LRP6: variants seen among roughly 807,000 people sequenced by gnomAD.
The protein encoded by LRP6 is low-density lipoprotein receptor-related protein 6.
LRP6 carries 43 observed loss-of-function variants against 184.1 expected under a neutral mutation model. That is an observed-to-expected ratio of 0.23 (90% confidence interval 0.18 to 0.30). The LOEUF (loss-of-function observed/expected upper bound fraction) is 0.30, where lower values mean the gene tolerates loss of function less well. Among genes scored for constraint, LRP6 ranks in the 10% least tolerant of loss-of-function variants. The pLI is 1.00. For synonymous variants in LRP6, 719 were observed against 684.9 expected, an observed-to-expected ratio of 1.05 and a Z score of -0.78; for missense variants, 1,571 against 2,005.3, an observed-to-expected ratio of 0.78 and a Z score of 4.14.
intron 2 of LRP6, among the ~76,000 whole-genome samples, chr12:12,242,619 C>T (rs1046820413): frequency 1.3e-5 from 2 of 152,178 alleles, no homozygotes; most frequent in Non-Finnish European, 2.9e-5. Context: ...TCTCAACAAC[C>T]AAATTCTTTG....
intron 15 of LRP6, among the ~76,000 whole-genome samples, chr12:12,146,374 C>T (rs887814505): frequency 6.6e-6 from 1 of 152,138 alleles, no homozygotes; most frequent in East Asian, 1.9e-4. Context: ...CAATAATCAA[C>T]GTTAACATAT....
At chr12:12,155,671 C>T (rs1053346362) in intron 12 of LRP6, 2 of 981,700 alleles carry the variant, frequency 2.0e-6, no homozygotes, top group Admixed American at 1.7e-5. Flanking sequence ...CTGGGTTCAA[C>T]TGAAGCGCCA....
At chr12:12,149,708 A>C (rs1036788641) in intron 13 of LRP6, among the ~76,000 whole-genome samples, 1 of 152,210 alleles carries the variant, frequency 6.6e-6, no homozygotes, top group Non-Finnish European at 1.5e-5. Context: ...AGTGCTTGAG[A>C]AACCCTGCTC....
At chr12:12,180,450 T>C (rs1863316596) in intron 6 of LRP6, among the ~76,000 whole-genome samples, 1 of 152,086 alleles carries the variant, frequency 6.6e-6, no homozygotes, top group Non-Finnish European at 1.5e-5. Context: ...CTCTAAGGCA[T>C]TGGTATATAC....
At position 12,244,355 on chromosome 12, in the gene LRP6, A is replaced by G. The variant is rs1865134907; in HGVS notation, c.356T>C (p.Ile119Thr). ...LYWTDSETNRIEVSNLDGSLR... is the reference protein window; with the variant it reads ...LYWTDSETNRTEVSNLDGSLR... Reference sequence around the variant, plus strand: ...AGATCCATCTAAATTAGAAACTTCAATCCGATTAGTTTCAGAATCTGTCCA... The same window carrying G: ...AGATCCATCTAAATTAGAAACTTCAGTCCGATTAGTTTCAGAATCTGTCCA... The change falls in exon 2 of 23, where the codon ATT becomes ACT. Residue 119 changes from isoleucine to threonine, a missense_variant. Around this residue, in one of 4 missense-constraint regions of LRP6, gnomAD observed 640 missense variants for 851.9 expected, o/e 0.75. Transcript: ENST00000261349. 6.2e-7 allele frequency: 1 copy of G among 1,614,214 alleles called. No individual in the cohort carries two copies. Among genetic ancestry groups the G allele is most frequent in the Non-Finnish European group, 8.5e-7 (1 of 1,180,020 alleles).
chr12:12,259,059 C>T (rs1291132302), intron 1 of LRP6, among the ~76,000 whole-genome samples: 6 of 152,184 alleles, frequency 3.9e-5, no homozygotes, highest in African/African-American at 1.2e-4. Context: ...GTCAGGAGTT[C>T]GAGACCAGCC....
At chr12:12,253,254 ACT>A (rs1785358359) in intron 1 of LRP6, among the ~76,000 whole-genome samples, 1 of 152,112 alleles carries the variant, frequency 6.6e-6, no homozygotes. Flanking sequence ...ACACAGCGAG[ACT>A]CTGTCTCAAA....
At chr12:12,206,048 C>G (rs573270110) in intron 2 of LRP6, among the ~76,000 whole-genome samples, 17 of 152,272 alleles carry the variant, frequency 1.1e-4, no homozygotes, top group Admixed American at 7.8e-4. Context: ...CATTCAGTAT[C>G]GTAGCATGCT....
intron 15 of LRP6, among the ~76,000 whole-genome samples, chr12:12,143,679 A>G (rs1949964007): frequency 6.6e-6 from 1 of 152,174 alleles, no homozygotes; most frequent in Non-Finnish European, 1.5e-5. Context: ...GTAATGTGGA[A>G]AAAAATGCAT....
At chr12:12,245,290 A>G (rs905637409) in intron 1 of LRP6, among the ~76,000 whole-genome samples, 1 of 152,172 alleles carries the variant, frequency 6.6e-6, no homozygotes, top group Non-Finnish European at 1.5e-5. Context: ...GTGGATCTCA[A>G]AATAATTCAG....
intron 3 of LRP6, among the ~76,000 whole-genome samples, chr12:12,188,219 A>G (rs1863526714): frequency 6.6e-6 from 1 of 151,886 alleles, no homozygotes; most frequent in Non-Finnish European, 1.5e-5. Flanking sequence ...CAAAAAAAAA[A>G]AAAAGAAAAA....
At chr12:12,231,757 G>A (rs1298595712) in intron 2 of LRP6, among the ~76,000 whole-genome samples, 2 of 151,756 alleles carry the variant, frequency 1.3e-5, no homozygotes, top group Non-Finnish European at 2.9e-5. Context: ...GCTCATGCCT[G>A]TAAGCCCAAC....
rs577082920 is a variant in LRP6 at position 12,206,086 on chromosome 12, A to G, written c.450-2686T>C. On this transcript the variant is annotated intron_variant, in intron 2 of 22. Transcript: ENST00000261349. ...ACAGGTTCGTAGCCTAGCAGCAATA[A>G]GCTATCTTATATAGCCCAGGTGTAT... Among the ~76,000 whole-genome samples, 3 of 152,370 alleles carry G rather than the reference A, an allele frequency of 2.0e-5. No homozygotes were observed. In the South Asian group the frequency reaches 6.2e-4, roughly 32 times the overall value.
intron 8 of LRP6, among the ~76,000 whole-genome samples, 198 bp downstream of exon 8, chr12:12,164,881 T>G (rs1165277000): frequency 1.6e-5 from 2 of 123,732 alleles, no homozygotes; most frequent in South Asian, 5.1e-4. Context: ...ACTGGGTAGC[T>G]AGAGTAGTAA....
intron 2 of LRP6, among the ~76,000 whole-genome samples, chr12:12,218,511 ATAATAATAC>A (rs1864406864): frequency 2.5e-5 from 3 of 121,116 alleles, no homozygotes; most frequent in South Asian, 6.2e-4. Flanking sequence ...AATAATAATA[ATAATAATAC>A]TATACAATTT....
rs146224493 is a variant in LRP6, at chr12:12,199,964, CAAAAAAAAAAAAAA to C, written c.647+3225_647+3238del. ...TGGGCAACAGAGCGAGACTCCATCTCAAAAAAAAAAAAAAAAAAAAAAAAAAAAAAACACAAGGC... is the reference window on the plus strand; with the variant it reads ...TGGGCAACAGAGCGAGACTCCATCTCAAAAAAAAAAAAAAAAACACAAGGC... On this transcript the variant is annotated intron_variant, in intron 3 of 22. Coordinates refer to ENST00000261349, the MANE Select transcript of LRP6 (RefSeq NM_002336.3). Among the ~76,000 whole-genome samples, 209 of 45,214 alleles carry C rather than the reference CAAAAAAAAAAAAAA, an allele frequency of 4.6e-3. 1 individual carries two copies. The highest frequency in any genetic ancestry group is 0.017 in the Middle Eastern group (1 of 58). The allele number at this position is 45,214 out of a possible 152,430, so 29.7% of individuals were successfully genotyped here.
chr12:12,126,384 A>T (rs1219719547), intron 20 of LRP6, among the ~76,000 whole-genome samples: 1 of 152,202 alleles, frequency 6.6e-6, no homozygotes, highest in Non-Finnish European at 1.5e-5. Flanking sequence ...TGTGGTTTAC[A>T]ACTCTTTCAC....
chr12:12,188,097 A>G (rs1035387448), intron 3 of LRP6, among the ~76,000 whole-genome samples: 1 of 151,954 alleles, frequency 6.6e-6, no homozygotes, highest in Non-Finnish European at 1.5e-5. Flanking sequence ...CTGTAATCCC[A>G]GACACTCGGA....
chr12:12,178,394 G>T (rs565042247), intron 7 of LRP6, among the ~76,000 whole-genome samples: 1 of 152,062 alleles, frequency 6.6e-6, no homozygotes, highest in Non-Finnish European at 1.5e-5. Flanking sequence ...AACCAAATAC[G>T]GAATTTTAAA....
Sources: allele counts gnomAD v4.1 joint callset (sites outside exome capture counted in the v4.1 genomes callset), GRCh38; gene constraint gnomAD v4.1.1; regional missense constraint gnomAD v4.1.1; transcripts MANE v1.5; gene names NCBI Gene and HGNC (gene_info 2026-07-23, HGNC 2026-07-21).